ASB2: variants seen among roughly 807,000 people sequenced by gnomAD.
ASB2 encodes ankyrin repeat and SOCS box protein 2.
A neutral mutation model predicts 62.4 loss-of-function variants in ASB2; 58 were observed. That is an observed-to-expected ratio of 0.93 (90% confidence interval 0.75 to 1.16). The LOEUF (loss-of-function observed/expected upper bound fraction) is 1.16, where lower values mean the gene tolerates loss of function less well. ASB2 is among the 50% of genes most tolerant of loss of function. ASB2 has a pLI of 0.00. For missense variants in ASB2, 928 were observed against 887.9 expected, an observed-to-expected ratio of 1.05 and a Z score of -0.57; for synonymous variants, 386 against 385.3, an observed-to-expected ratio of 1.00 and a Z score of -0.02.
intron 1 of ASB2, among the ~76,000 whole-genome samples, chr14:93,975,392 G>C (rs138306817): frequency 6.6e-6 from 1 of 152,296 alleles, no homozygotes; most frequent in East Asian, 1.9e-4. Flanking sequence ...AAGGGGAATG[G>C]GCCACTGAAA....
At chr14:93,965,119 C>A (rs1352969970) in intron 1 of ASB2, among the ~76,000 whole-genome samples, 1 of 152,210 alleles carries the variant, frequency 6.6e-6, no homozygotes, top group Non-Finnish European at 1.5e-5. Flanking sequence ...TCCATTTATT[C>A]ATGCATCATC....
intron 2 of ASB2, chr14:93,957,107 G>A: frequency 7.1e-7 from 1 of 1,416,764 alleles, no homozygotes; most frequent in Non-Finnish European, 9.2e-7. Flanking sequence ...GACCATATAA[G>A]ACAACAATGA....
At chr14:93,957,082 C>G (rs1478722162) in intron 2 of ASB2, 3 of 1,442,426 alleles carry the variant, frequency 2.1e-6, no homozygotes, top group Non-Finnish European at 2.7e-6. Flanking sequence ...GGAGGAAGCC[C>G]TGGGAGATTT....
chr14:93,938,723 C>T (rs1268187919), intron 8 of ASB2, among the ~76,000 whole-genome samples: 1 of 150,410 alleles, frequency 6.6e-6, no homozygotes, highest in East Asian at 1.9e-4. Context: ...GCAGAGTTCT[C>T]CGCTCCATCA....
intron 9 of ASB2, among the ~76,000 whole-genome samples, chr14:93,935,223 T>C (rs1366197154): frequency 1.3e-5 from 2 of 152,088 alleles, no homozygotes; most frequent in Non-Finnish European, 2.9e-5. Context: ...GGAATTCAAC[T>C]TGGAGCTCCC....
At chr14:93,943,765 G>A (rs1314784492) in intron 7 of ASB2, 1 of 348,218 alleles carries the variant, frequency 2.9e-6, no homozygotes, top group Non-Finnish European at 5.6e-6. Flanking sequence ...TTTCTATGAA[G>A]TCTTGAGCTC....
intron 2 of ASB2, chr14:93,957,091 T>A (rs1486297581): frequency 2.0e-5 from 29 of 1,433,860 alleles, no homozygotes; most frequent in Non-Finnish European, 2.6e-5. Flanking sequence ...CCTGGGAGAT[T>A]TAAATGACCA....
chr14:93,971,237 G>T (rs1483098165), intron 1 of ASB2, among the ~76,000 whole-genome samples: 1 of 152,234 alleles, frequency 6.6e-6, no homozygotes, highest in Admixed American at 6.5e-5. Context: ...CCTGCCGGGT[G>T]GTCCCAAGGG....
chr14:93,970,378 T>C (rs1889726323), intron 1 of ASB2, among the ~76,000 whole-genome samples: 1 of 152,112 alleles, frequency 6.6e-6, no homozygotes, highest in Non-Finnish European at 1.5e-5. Flanking sequence ...CTCGTCAGCC[T>C]ACCCTGCCCT....
At chr14:93,955,690 T>G (rs1404278003) in intron 3 of ASB2, 2 of 157,010 alleles carry the variant, frequency 1.3e-5, no homozygotes, top group African/African-American at 2.4e-5. Flanking sequence ...TCTCTCCAGC[T>G]GTGATGCAAG....
intron 1 of ASB2, among the ~76,000 whole-genome samples, chr14:93,975,329 G>T (rs1188878891): frequency 6.6e-6 from 1 of 152,150 alleles, no homozygotes; most frequent in Admixed American, 6.5e-5. Context: ...CCTCATTCCA[G>T]TGCATACCCC....
rs199532437 is a variant in ASB2, at chr14:93,951,225, C to T, written c.654G>A (p.Ala218=). Reference sequence around the variant, plus strand: ...GCTGCACCAGAATCTTCACGGCCTCCGCGTTCTTGCGCTCGCAGGCTGTGC... The same window carrying T: ...GCTGCACCAGAATCTTCACGGCCTCTGCGTTCTTGCGCTCGCAGGCTGTGC... The part of the protein sequence containing the change: ...PLYKACERKN[A]EAVKILVQHN... Residue 218 remains alanine, a synonymous_variant, in exon 6 of 10, where the codon GCG becomes GCA. Coordinates refer to ENST00000555019, the MANE Select transcript of ASB2 (RefSeq NM_001202429.2). 1.2e-5 allele frequency: 19 copies of T among 1,603,664 alleles called. No homozygotes were observed. Among genetic ancestry groups the T allele is most frequent in the South Asian group, 3.3e-5 (3 of 90,900 alleles).
In ASB2 at chr14:93,976,423, G is replaced by A. The variant is rs1208126505; in HGVS notation, c.-74+11C>T. 2.0e-5 allele frequency: 3 copies of A among 152,210 alleles called. No homozygotes were observed. The highest frequency in any genetic ancestry group is 4.8e-5 in the African/African-American group (2 of 41,444). The allele number at this position is 152,210 out of a possible 1,614,324, so 9.4% of individuals were successfully genotyped here. On this transcript the variant is annotated intron_variant, in intron 1 of 9. Transcript: ENST00000555019. ...CAAGATCTGTATAAGAAAGTTGAAA[G>A]CATGCATTACCTGTTAGGCTCTGAA... is the stretch of plus-strand genomic sequence containing the variant.
chr14:93,952,963 C>T lies in ASB2; in HGVS notation c.634+389G>A, dbSNP rs753963446. On this transcript the variant is annotated intron_variant, in intron 5 of 9. Transcript: ENST00000555019. ...TTCATGCCTTTGCCTGTGCGGTTCC[C>T]GCTGCTTGGCCAGCAGGTGATTCCT... Among the ~76,000 whole-genome samples the T allele has an allele frequency of 2.0e-5, 3 of 152,214 alleles. No individual in the cohort carries two copies. The South Asian group carries it at 6.2e-4, about 32-fold the overall frequency.
In ASB2 at chr14:93,964,596, C is replaced by T. The variant is rs1018338051; in HGVS notation, c.-57G>A. Reference sequence around the variant, plus strand: ...CAGACACCCAGTGGGGAGGAGGGAACAGCAAATCAGAAAACCCTGTGAGGA... The same window carrying T: ...CAGACACCCAGTGGGGAGGAGGGAATAGCAAATCAGAAAACCCTGTGAGGA... On this transcript the variant is annotated 5_prime_UTR_variant, in exon 2 of 10. Transcript: ENST00000555019. 1 of 1,490,012 alleles carries T rather than the reference C, an allele frequency of 6.7e-7. No individual in the cohort carries two copies. The highest frequency in any genetic ancestry group is 2.0e-5 in the Admixed American group (1 of 50,882). The allele number at this position is 1,490,012 out of a possible 1,614,324, so 92.3% of individuals were successfully genotyped here.
chr14:93,952,665 C>A (rs1889013306), intron 5 of ASB2, among the ~76,000 whole-genome samples: 1 of 152,162 alleles, frequency 6.6e-6, no homozygotes, highest in Non-Finnish European at 1.5e-5. Context: ...TCCTGGGCGA[C>A]CCATTTAATG....
Position 93,934,671 on chromosome 14 carries a change from G to C in ASB2, c.1893C>G (p.Tyr631Ter), listed in dbSNP as rs770176666. ...GTGGCCCCAGTTACTGGGTGTTCTCGTATTTCAGGTATCTAATCAGCCTGC... is the reference window on the plus strand; with the variant it reads ...GTGGCCCCAGTTACTGGGTGTTCTCCTATTTCAGGTATCTAATCAGCCTGC... Reference protein sequence around the residue: ...LPGRLIRYLKYENTQ With the variant: ...LPGRLIRYLK The change falls in exon 10 of 10, where the codon TAC (tyrosine) becomes TAG (stop). Residue 631 changes from tyrosine to a stop codon, truncating the protein, a stop_gained. Transcript: ENST00000555019. LOFTEE classifies it high-confidence loss of function. The C allele has an allele frequency of 1.9e-6, 3 of 1,614,150 alleles. No homozygotes were observed. Among genetic ancestry groups the C allele is most frequent in the Non-Finnish European group, 2.5e-6 (3 of 1,180,020 alleles).
In ASB2 at chr14:93,953,442, T is replaced by A. The variant is rs951369914; in HGVS notation, c.544A>T (p.Arg182Trp). 8.7e-6 allele frequency: 14 copies of A among 1,609,258 alleles called. No homozygotes were observed. The highest frequency in any genetic ancestry group is 1.2e-5 in the Non-Finnish European group (14 of 1,176,176). The change falls in exon 5 of 10, where the codon AGG becomes TGG. Residue 182 changes from arginine to tryptophan, a missense_variant. Coordinates refer to ENST00000555019, the MANE Select transcript of ASB2 (RefSeq NM_001202429.2). ...EETAVYLATC[R>W]GHLDCLLSLL... Reference sequence around the variant, plus strand: ...GACAGGAGACAGTCCAGGTGGCCCCTGCACGTTGCCAAGTAAACGGCTGTT... The same window carrying A: ...GACAGGAGACAGTCCAGGTGGCCCCAGCACGTTGCCAAGTAAACGGCTGTT...
chr14:93,944,003 G>T (rs973836836), intron 7 of ASB2: 1 of 455,988 alleles, frequency 2.2e-6, no homozygotes, highest in Non-Finnish European at 4.4e-6. Context: ...GGCCCAGAAT[G>T]CAAGTCTGTG....
Sources: allele counts gnomAD v4.1 joint callset (sites outside exome capture counted in the v4.1 genomes callset), GRCh38; gene constraint gnomAD v4.1.1; transcripts MANE v1.5; gene names NCBI Gene and HGNC (gene_info 2026-07-23, HGNC 2026-07-21).